ENTPD1: variants seen among roughly 807,000 people sequenced by gnomAD.
ENTPD1 encodes the protein ectonucleoside triphosphate diphosphohydrolase 1.
ENTPD1 carries 33 observed loss-of-function variants against 57.0 expected under a neutral mutation model. The observed-to-expected ratio is 0.58, with a 90% CI of 0.44 to 0.77. The LOEUF (loss-of-function observed/expected upper bound fraction) is 0.77, where lower values mean the gene tolerates loss of function less well. ENTPD1 is among the 30% of genes least tolerant of loss of function. The pLI, the probability that ENTPD1 is intolerant of heterozygous loss-of-function variation, is 0.00. For missense variants in ENTPD1, 501 were observed against 603.4 expected (o/e 0.83, Z 1.78); for synonymous variants, 202 against 218.8 (o/e 0.92, Z 0.68).
chr10:95,748,849 A>C (rs2098008826), intron 1 of ENTPD1, among the ~76,000 whole-genome samples: 1 of 151,912 alleles, frequency 6.6e-6, no homozygotes. Flanking sequence ...GAGTTGTTTT[A>C]TTGATTGTTT....
chr10:95,805,233 T>C (rs1001844690), intron 1 of ENTPD1, among the ~76,000 whole-genome samples: 6 of 152,164 alleles, frequency 3.9e-5, no homozygotes, highest in African/African-American at 7.2e-5. Flanking sequence ...GATCCCTTTA[T>C]CATTATGTAA....
chr10:95,762,492 C>A (rs2098069601), intron 1 of ENTPD1, among the ~76,000 whole-genome samples: 1 of 151,068 alleles, frequency 6.6e-6, no homozygotes, highest in Admixed American at 6.6e-5. Flanking sequence ...GATCATTAGG[C>A]TATATATGCA....
At chr10:95,731,461 G>C (rs909107480) in intron 1 of ENTPD1, among the ~76,000 whole-genome samples, 12 of 152,082 alleles carry the variant, frequency 7.9e-5, no homozygotes, top group Admixed American at 7.9e-4. Context: ...AATGGTGGTG[G>C]CTTCTTCTTT....
chr10:95,732,215 A>G (rs1044807747), intron 1 of ENTPD1, among the ~76,000 whole-genome samples: 1 of 152,224 alleles, frequency 6.6e-6, no homozygotes, highest in African/African-American at 2.4e-5. Flanking sequence ...TATTGCCACC[A>G]TAATGCCAGT....
At position 95,756,178 on chromosome 10, in the gene ENTPD1, A is replaced by G; in HGVS notation, c.-62A>G. On this transcript the variant is annotated 5_prime_UTR_variant, in exon 1 of 10. Coordinates refer to ENST00000371205, the MANE Select transcript of ENTPD1 (RefSeq NM_001776.6). ...GACCTCTCTCACGGAGACGGACCAC[A>G]GCAAGCAGAGGCTGGGGGGGGGAAA... 1 of 1,570,688 alleles carries G rather than the reference A, an allele frequency of 6.4e-7. No individual in the cohort carries two copies. Among genetic ancestry groups the G allele is most frequent in the Non-Finnish European group, 8.6e-7 (1 of 1,157,322 alleles).
At chr10:95,742,109 G>C (rs1162640997) in intron 1 of ENTPD1, among the ~76,000 whole-genome samples, 1 of 152,178 alleles carries the variant, frequency 6.6e-6, no homozygotes, top group Non-Finnish European at 1.5e-5. Flanking sequence ...ATTAGTCTAA[G>C]GGCCATGTGT....
At chr10:95,845,948 T>C in intron 6 of ENTPD1, 1 of 241,992 alleles carries the variant, frequency 4.1e-6, no homozygotes, top group South Asian at 6.4e-5. Flanking sequence ...TTTTTAAAGC[T>C]CCCTTTCCTA....
intron 1 of ENTPD1, among the ~76,000 whole-genome samples, chr10:95,814,939 C>T (rs2098324908): frequency 6.6e-6 from 1 of 151,944 alleles, no homozygotes; most frequent in African/African-American, 2.4e-5. Flanking sequence ...TCTCATTTTT[C>T]CTCCTTCTTT....
At chr10:95,751,458 G>A (rs1222475654), upstream of ENTPD1, among the ~76,000 whole-genome samples, 2 of 152,152 alleles carry the variant, frequency 1.3e-5, no homozygotes, top group Non-Finnish European at 2.9e-5. Flanking sequence ...AGTGGCTCAC[G>A]CCTGTAATCC....
chr10:95,822,307 A>AT (rs1034511018), intron 1 of ENTPD1, among the ~76,000 whole-genome samples: 5 of 139,418 alleles, frequency 3.6e-5, no homozygotes, highest in Admixed American at 7.3e-5. Context: ...TTTGGTTATT[A>AT]TTTTTTTGAG....
chr10:95,864,707 C>T lies in ENTPD1; in HGVS notation c.1189-17C>T, dbSNP rs750828209. On this transcript the variant is annotated splice_polypyrimidine_tract_variant and intron_variant, in intron 8 of 9. Transcript: ENST00000371205. ...GCCTATCATACGAGTATGATCTCCC[C>T]CTCACTTCACTTCTAGATAAAAACA... The T allele has an allele frequency of 1.5e-5, 25 of 1,613,876 alleles. No individual in the cohort carries two copies. The highest frequency in any genetic ancestry group is 1.7e-4 in the Middle Eastern group (1 of 6,056).
chr10:95,862,740 C>T (rs1472859337), intron 8 of ENTPD1, among the ~76,000 whole-genome samples: 1 of 152,150 alleles, frequency 6.6e-6, no homozygotes, highest in East Asian at 1.9e-4. Context: ...TCTGGTCATC[C>T]AAGATCTGGT....
chr10:95,853,414 G>C (rs1448856795), intron 7 of ENTPD1, among the ~76,000 whole-genome samples: 2 of 152,002 alleles, frequency 1.3e-5, no homozygotes, highest in Admixed American at 6.6e-5. Context: ...CTAATTGAAT[G>C]CCCTTTATTT....
intron 1 of ENTPD1, among the ~76,000 whole-genome samples, chr10:95,792,923 C>G (rs1217612150): frequency 6.6e-6 from 1 of 152,212 alleles, no homozygotes; most frequent in Non-Finnish European, 1.5e-5. Flanking sequence ...GTCATGTTCA[C>G]TCTGGCCACG....
intron 7 of ENTPD1, among the ~76,000 whole-genome samples, chr10:95,847,909 G>A (rs556901589): frequency 6.6e-6 from 1 of 152,184 alleles, no homozygotes; most frequent in Non-Finnish European, 1.5e-5. Flanking sequence ...TTGTGCTAAG[G>A]TATGTTACTG....
intron 7 of ENTPD1, among the ~76,000 whole-genome samples, chr10:95,856,668 A>ATG (rs1445026151): frequency 2.0e-5 from 3 of 148,444 alleles, no homozygotes; most frequent in Non-Finnish European, 4.5e-5. Flanking sequence ...ATATATATAT[A>ATG]TATACACACA....
At chr10:95,764,183 T>G in intron 1 of ENTPD1, among the ~76,000 whole-genome samples, 1 of 152,138 alleles carries the variant, frequency 6.6e-6, no homozygotes, top group South Asian at 2.1e-4. Context: ...CCGTTCTGAG[T>G]CCTAGGAAAA....
chr10:95,827,379 T>C (rs910281525), intron 2 of ENTPD1, among the ~76,000 whole-genome samples: 87 of 151,590 alleles, frequency 5.7e-4, no homozygotes, highest in African/African-American at 1.9e-3. Context: ...CCCTTGAACC[T>C]GGGAGGTGAA....
chr10:95,774,691 T>C (rs1381262792), intron 1 of ENTPD1, among the ~76,000 whole-genome samples: 1 of 152,238 alleles, frequency 6.6e-6, no homozygotes, highest in African/African-American at 2.4e-5. Context: ...CTGGTCTATC[T>C]CTCTGTTTTG....
Sources: gnomAD v4.1 joint callset for allele counts (sites outside exome capture counted in the v4.1 genomes callset) on GRCh38, gnomAD v4.1.1 for gene constraint, MANE v1.5 for transcripts, NCBI Gene and HGNC (gene_info 2026-07-23, HGNC 2026-07-21) for gene names.